The following PTPRD variants were observed in gnomAD, a reference collection of about 807,000 sequenced individuals.
The protein encoded by PTPRD is receptor-type tyrosine-protein phosphatase delta.
Under a neutral mutation model 214.5 loss-of-function variants are expected in PTPRD, and 34 were observed. The observed-to-expected ratio is 0.16, with a 90% CI of 0.12 to 0.21. The LOEUF is 0.21. Ranked by LOEUF, PTPRD falls within the 10% of genes least tolerant of loss-of-function variation. PTPRD has a pLI of 1.00. For synonymous variants in PTPRD, 1,128 were observed against 845.7 expected (o/e 1.33, Z -5.79); for missense variants, 2,545 against 2,398.7 (o/e 1.06, Z -1.27).
intron 5 of PTPRD, among the ~76,000 whole-genome samples, chr9:9,914,065 C>G (rs1016776929): frequency 1.3e-5 from 2 of 152,184 alleles, no homozygotes; most frequent in Non-Finnish European, 2.9e-5. Context: ...TACCACACTT[C>G]TAGCCAGATA....
At chr9:9,274,851 A>G (rs1347832145) in intron 9 of PTPRD, among the ~76,000 whole-genome samples, 1 of 149,468 alleles carries the variant, frequency 6.7e-6, no homozygotes. Flanking sequence ...TGAGATATTC[A>G]TATAGGTTTA....
At chr9:8,358,918 T>C (rs2077635867) in intron 39 of PTPRD, among the ~76,000 whole-genome samples, 1 of 150,988 alleles carries the variant, frequency 6.6e-6, no homozygotes, top group African/African-American at 2.4e-5. Context: ...CCATCCTGGC[T>C]AACACGGTGA....
At chr9:9,752,605 G>C (rs2098531666) in intron 6 of PTPRD, among the ~76,000 whole-genome samples, 1 of 151,964 alleles carries the variant, frequency 6.6e-6, no homozygotes, top group Admixed American at 6.6e-5. Context: ...TAAGATCGAG[G>C]TTGAGGGAAC....
chr9:10,030,388 G>C (rs2097034330), intron 4 of PTPRD, among the ~76,000 whole-genome samples: 1 of 152,182 alleles, frequency 6.6e-6, no homozygotes. Flanking sequence ...ATATTTTAAG[G>C]TAAGCAGCTA....
chr9:10,555,513 G>A (rs1259435010), intron 2 of PTPRD, among the ~76,000 whole-genome samples: 1 of 152,108 alleles, frequency 6.6e-6, no homozygotes, highest in Admixed American at 6.6e-5. Flanking sequence ...TTGGGTTTTT[G>A]CAGCCCTAGC....
Position 8,680,077 on chromosome 9 carries a change from C to T in PTPRD, c.65-43233G>A, listed in dbSNP as rs549385098. On this transcript the variant is annotated intron_variant, in intron 12 of 45. Transcript: ENST00000381196. The stretch of plus-strand genomic sequence containing the variant: ...TAAATCATATTTTATATATTAGATA[C>T]TATGATTCTTTTGTTTCTACTGCAT... Among the ~76,000 whole-genome samples, 7 of 151,990 alleles carry T rather than the reference C, an allele frequency of 4.6e-5. No individual in the cohort carries two copies. The South Asian group carries it at 1.5e-3, about 32-fold the overall frequency.
At chr9:8,816,987 G>A (rs1161279960) in intron 11 of PTPRD, among the ~76,000 whole-genome samples, 2 of 152,178 alleles carry the variant, frequency 1.3e-5, no homozygotes, top group Non-Finnish European at 2.9e-5. Flanking sequence ...AGAAATCCTA[G>A]CATTTACCAC....
chr9:9,561,100 C>T (rs1374140751), intron 8 of PTPRD, among the ~76,000 whole-genome samples: 4 of 152,106 alleles, frequency 2.6e-5, no homozygotes, highest in Non-Finnish European at 1.5e-5. Context: ...GTTTCACAGA[C>T]AATAGTGTTG....
chr9:8,359,507 T>C (rs191390484), intron 39 of PTPRD, among the ~76,000 whole-genome samples: 80 of 152,194 alleles, frequency 5.3e-4, no homozygotes, highest in African/African-American at 1.2e-3. Flanking sequence ...ATAAATTTTA[T>C]AGTTTTAGTA....
intron 5 of PTPRD, among the ~76,000 whole-genome samples, chr9:9,848,259 T>C (rs1444699438): frequency 6.6e-6 from 1 of 152,164 alleles, no homozygotes; most frequent in Non-Finnish European, 1.5e-5. Flanking sequence ...GCTTCTGTTA[T>C]GTTCATTTAT....
At chr9:8,677,513 G>A (rs1220147255) in intron 12 of PTPRD, among the ~76,000 whole-genome samples, 1 of 152,102 alleles carries the variant, frequency 6.6e-6, no homozygotes, top group Non-Finnish European at 1.5e-5. Flanking sequence ...AGACAACAGG[G>A]CCTAATTGAG....
At chr9:9,034,278 G>C (rs1024653254) in intron 10 of PTPRD, among the ~76,000 whole-genome samples, 5 of 152,216 alleles carry the variant, frequency 3.3e-5, no homozygotes, top group Middle Eastern at 3.4e-3. Context: ...TCTGTCTCCA[G>C]GTTGGGATTT....
At position 9,900,670 on chromosome 9, in the gene PTPRD, C is replaced by T. The variant is rs564971764; in HGVS notation, c.-368+37837G>A. 8.9e-5 allele frequency among the ~76,000 whole-genome samples: 8 copies of T among 90,070 alleles called. No homozygotes were observed. In the South Asian group the frequency reaches 2.6e-3, roughly 29 times the overall value. 59.1% of individuals were successfully genotyped at this position (90,070 alleles called of 152,430 possible). On this transcript the variant is annotated intron_variant, in intron 5 of 45. Coordinates refer to ENST00000381196, the MANE Select transcript of PTPRD (RefSeq NM_002839.4). ...TTTTTTTTTTTGAGATGGAGTCTTGCTCTGTTGCCAGGCTGGAATGCAGTG... is the reference window on the plus strand; with the variant it reads ...TTTTTTTTTTTGAGATGGAGTCTTGTTCTGTTGCCAGGCTGGAATGCAGTG...
In PTPRD at chr9:10,507,233, C is replaced by A. The variant is rs1470551792; in HGVS notation, c.-600+105165G>T. 2.0e-5 allele frequency among the ~76,000 whole-genome samples: 3 copies of A among 152,172 alleles called. No individual in the cohort carries two copies. The East Asian group carries it at 5.8e-4, about 29-fold the overall frequency. On this transcript the variant is annotated intron_variant, in intron 2 of 45. Coordinates refer to ENST00000381196, the MANE Select transcript of PTPRD (RefSeq NM_002839.4). ...GAGAATAAAATACCTAGGAATCCAA[C>A]TTACAAGGGATGTGAAGGACCTCTT...
chr9:9,869,135 C>T (rs2153708216), intron 5 of PTPRD, among the ~76,000 whole-genome samples: 1 of 152,146 alleles, frequency 6.6e-6, no homozygotes, highest in Non-Finnish European at 1.5e-5. Context: ...AAAATGAGGA[C>T]AGATACTTAC....
chr9:9,230,669 G>A (rs917344004), intron 9 of PTPRD, among the ~76,000 whole-genome samples: 1 of 152,060 alleles, frequency 6.6e-6, no homozygotes, highest in African/African-American at 2.4e-5. Context: ...GTGGAGAGTT[G>A]GAGAATTGCT....
In PTPRD at chr9:10,491,830, A is replaced by G. The variant is rs112529976; in HGVS notation, c.-600+120568T>C. ...CTGCACTCATCAACCCATCATCTAC[A>G]TTAGGTATTTGTTCTAATGCTCTCC... is the stretch of plus-strand genomic sequence containing the variant. On this transcript the variant is annotated intron_variant, in intron 2 of 45. Coordinates refer to ENST00000381196, the MANE Select transcript of PTPRD (RefSeq NM_002839.4). Among the ~76,000 whole-genome samples the G allele has an allele frequency of 7.1e-3, 1,074 of 151,874 alleles. 12 individuals are homozygous for G. Among genetic ancestry groups the G allele is most frequent in the African/African-American group, 0.024 (991 of 41,404 alleles).
chr9:10,328,967 T>C (rs2096699644), intron 3 of PTPRD, among the ~76,000 whole-genome samples: 1 of 151,736 alleles, frequency 6.6e-6, no homozygotes, highest in Non-Finnish European at 1.5e-5. Context: ...GCAAAATATA[T>C]ACTGTATCAG....
intron 9 of PTPRD, among the ~76,000 whole-genome samples, chr9:9,397,090 G>A (rs1250838500): frequency 6.6e-6 from 1 of 151,906 alleles, no homozygotes; most frequent in African/African-American, 2.4e-5. Flanking sequence ...TAATTTTTGT[G>A]TCAGTATCCA....
Sources: gnomAD v4.1 joint callset for allele counts (sites outside exome capture counted in the v4.1 genomes callset) on GRCh38, gnomAD v4.1.1 for gene constraint, MANE v1.5 for transcripts, NCBI Gene and HGNC (gene_info 2026-07-23, HGNC 2026-07-21) for gene names.